The following CNTNAP5 variants were observed in gnomAD, a reference collection of about 807,000 sequenced individuals.
CNTNAP5 encodes contactin associated protein family member 5, also known as contactin-associated protein-like 5.
In CNTNAP5, 72 loss-of-function variants were observed where a neutral mutation model predicts 150.2. The ratio of observed to expected loss-of-function variants is 0.48; its 90% CI spans 0.40 to 0.58. CNTNAP5 has a LOEUF of 0.58. Among genes scored for constraint, CNTNAP5 ranks in the 20% least tolerant of loss-of-function variants. CNTNAP5 has a pLI of 0.00. For synonymous variants in CNTNAP5, 672 were observed against 619.8 expected, an observed-to-expected ratio of 1.08 and a Z score of -1.25; for missense variants, 1,636 against 1,626.2, an observed-to-expected ratio of 1.01 and a Z score of -0.10.
chr2:124,323,930 A>T (rs76827625), intron 3 of CNTNAP5, among the ~76,000 whole-genome samples: 1,705 of 152,094 alleles, frequency 0.011, 8 homozygotes, highest in Non-Finnish European at 0.019. Flanking sequence ...AGCAATAGAG[A>T]TTTGAGGTTT....
chr2:124,736,379 A>G (rs1680382855), intron 13 of CNTNAP5, among the ~76,000 whole-genome samples: 1 of 152,230 alleles, frequency 6.6e-6, no homozygotes, highest in Admixed American at 6.5e-5. Context: ...TCTAAATTGA[A>G]TTAAAAATAA....
intron 11 of CNTNAP5, among the ~76,000 whole-genome samples, chr2:124,605,935 T>G: frequency 6.6e-6 from 1 of 151,936 alleles, no homozygotes; most frequent in East Asian, 1.9e-4. Context: ...TATAAGACAT[T>G]CAGAAATGTC....
chr2:124,527,265 C>A lies in CNTNAP5; in HGVS notation c.1478-20C>A, dbSNP rs764991545. On this transcript the variant is annotated intron_variant, in intron 9 of 23. Transcript: ENST00000682447. ...GGATCATTTCAGCATTCTTCTTCAT[C>A]TTTTTTCTCTGTCCCACAGGGTGCC... 1.9e-6 allele frequency: 3 copies of A among 1,604,310 alleles called. No homozygotes were observed. The highest frequency in any genetic ancestry group is 2.6e-6 in the Non-Finnish European group (3 of 1,174,778).
At chr2:124,884,573 T>G (rs558196274) in intron 21 of CNTNAP5, among the ~76,000 whole-genome samples, 1 of 152,136 alleles carries the variant, frequency 6.6e-6, no homozygotes, top group South Asian at 2.1e-4. Context: ...GGGCTGGGCC[T>G]TTAGTTAGAT....
chr2:124,516,659 G>A (rs1227253643), intron 8 of CNTNAP5, among the ~76,000 whole-genome samples: 1 of 152,202 alleles, frequency 6.6e-6, no homozygotes, highest in Non-Finnish European at 1.5e-5. Context: ...GTGTGTGGCT[G>A]TCATGGCCTA....
At chr2:124,658,495 C>T (rs968953629) in intron 13 of CNTNAP5, among the ~76,000 whole-genome samples, 9 of 115,250 alleles carry the variant, frequency 7.8e-5, no homozygotes, top group Admixed American at 1.7e-4. Context: ...ACAAACAAAC[C>T]AAAAAAAAAA....
intron 1 of CNTNAP5, among the ~76,000 whole-genome samples, chr2:124,185,316 C>A (rs988431859): frequency 1.3e-5 from 2 of 152,144 alleles, no homozygotes; most frequent in Non-Finnish European, 2.9e-5. Flanking sequence ...TATTGCCACC[C>A]ACTGGACTGT....
chr2:124,354,306 G>T (rs530320053), intron 3 of CNTNAP5, among the ~76,000 whole-genome samples: 69 of 152,178 alleles, frequency 4.5e-4, no homozygotes, highest in African/African-American at 1.6e-3. Flanking sequence ...GAGCACAAGA[G>T]AACTAGAGAG....
At chr2:124,693,652 C>T (rs920082936) in intron 13 of CNTNAP5, among the ~76,000 whole-genome samples, 1 of 152,034 alleles carries the variant, frequency 6.6e-6, no homozygotes, top group African/African-American at 2.4e-5. Context: ...GGCTGAGACA[C>T]AGATGTACCA....
At chr2:124,778,529 A>G (rs1295334454) in intron 17 of CNTNAP5, 1 of 153,618 alleles carries the variant, frequency 6.5e-6, no homozygotes, top group Non-Finnish European at 1.5e-5. Flanking sequence ...CGCTGGCATC[A>G]TTAGCTTCAT....
At chr2:124,259,045 C>A (rs1245854558) in intron 3 of CNTNAP5, among the ~76,000 whole-genome samples, 1 of 117,804 alleles carries the variant, frequency 8.5e-6, no homozygotes, top group African/African-American at 3.3e-5. Flanking sequence ...GTGTGATGTT[C>A]CCCACCCTGT....
chr2:124,655,066 T>C (rs1204005356), intron 13 of CNTNAP5, among the ~76,000 whole-genome samples: 1 of 152,098 alleles, frequency 6.6e-6, no homozygotes, highest in Non-Finnish European at 1.5e-5. Flanking sequence ...CATGGTGTTT[T>C]TCTGCACCTA....
intron 16 of CNTNAP5, 86 bp from the exon 17 acceptor site, chr2:124,772,713 C>A: frequency 1.0e-6 from 1 of 969,276 alleles, no homozygotes. Context: ...TTGATACTGA[C>A]TTACAATCGT....
chr2:124,632,706 GAA>G (rs35334854), intron 12 of CNTNAP5, among the ~76,000 whole-genome samples: 1 of 148,878 alleles, frequency 6.7e-6, no homozygotes, highest in Non-Finnish European at 1.5e-5. Flanking sequence ...CCTGTAACTT[GAA>G]AAAAAAAACA....
At chr2:124,269,032 T>TA (rs1446052943) in intron 3 of CNTNAP5, among the ~76,000 whole-genome samples, 1 of 151,942 alleles carries the variant, frequency 6.6e-6, no homozygotes, top group Non-Finnish European at 1.5e-5. Context: ...AGGGGCCCTT[T>TA]AAAGCAGGAA....
intron 3 of CNTNAP5, among the ~76,000 whole-genome samples, chr2:124,302,983 A>G (rs1281024535): frequency 6.6e-6 from 1 of 152,050 alleles, no homozygotes; most frequent in Non-Finnish European, 1.5e-5. Flanking sequence ...TTGTATTCTG[A>G]CTACGTAGAT....
At chr2:124,588,015 A>G (rs1056968588) in intron 11 of CNTNAP5, among the ~76,000 whole-genome samples, 3 of 152,108 alleles carry the variant, frequency 2.0e-5, no homozygotes, top group Non-Finnish European at 4.4e-5. Flanking sequence ...TTAAAAGTGT[A>G]AAAATCTCAG....
At chr2:124,548,902 G>A (rs1213489750) in intron 10 of CNTNAP5, among the ~76,000 whole-genome samples, 1 of 152,136 alleles carries the variant, frequency 6.6e-6, no homozygotes, top group Admixed American at 6.5e-5. Context: ...TAAAACTTGG[G>A]TCTCTAATCT....
chr2:124,179,183 G>C (rs1685142578), intron 1 of CNTNAP5, among the ~76,000 whole-genome samples: 1 of 151,802 alleles, frequency 6.6e-6, no homozygotes, highest in Admixed American at 6.6e-5. Flanking sequence ...TTGATATGGA[G>C]TCTTGCTCTG....
Sources: gnomAD v4.1 joint callset for allele counts (sites outside exome capture counted in the v4.1 genomes callset) on GRCh38, gnomAD v4.1.1 for gene constraint, MANE v1.5 for transcripts, NCBI Gene and HGNC (gene_info 2026-07-23, HGNC 2026-07-21) for gene names.